CDH4: variants seen among roughly 807,000 people sequenced by gnomAD.
CDH4 encodes the protein cadherin-4.
In CDH4, 33 loss-of-function variants were observed where a neutral mutation model predicts 86.0. That is an observed-to-expected ratio of 0.38 (90% confidence interval 0.29 to 0.51). CDH4 has a LOEUF of 0.51. CDH4 is among the 20% of genes least tolerant of loss of function. The pLI is 0.86. For missense variants in CDH4, 1,114 were observed against 1,307.4 expected (o/e 0.85, Z 2.28); for synonymous variants, 555 against 549.4 (o/e 1.01, Z -0.14).
chr20:61,902,423 G>A lies in CDH4; in HGVS notation c.1188+7376G>A, dbSNP rs138896365. Among the ~76,000 whole-genome samples, 658 of 152,374 alleles carry A rather than the reference G, an allele frequency of 4.3e-3. 5 individuals are homozygous for A. Among genetic ancestry groups the A allele is most frequent in the Admixed American group, 9.7e-3 (149 of 15,310 alleles). On this transcript the variant is annotated intron_variant, in intron 8 of 15. Coordinates refer to ENST00000614565, the MANE Select transcript of CDH4 (RefSeq NM_001794.5). This position sits in a 1 kb window ranked among gnomAD's most constrained non-coding sequence, Gnocchi z 4.6. ...GTCACCACCCCGCAGAACCGCTCCC[G>A]TGCTCGTTGCAGGAGTGCAAGGGCA...
intron 2 of CDH4, among the ~76,000 whole-genome samples, chr20:61,601,051 C>T (rs2086596748): frequency 6.6e-6 from 1 of 152,158 alleles, no homozygotes; most frequent in African/African-American, 2.4e-5. Flanking sequence ...TAAAGACATA[C>T]CTGAGGCTGA....
At position 61,681,791 on chromosome 20, in the gene CDH4, C is replaced by T. The variant is rs1287160734; in HGVS notation, c.170-61772C>T. ...TTCTCAGGCCCGTGCAGCTGACATT[C>T]CTTTGGCTTCCTGGTGATGGAGGGA... On this transcript the variant is annotated intron_variant, in intron 2 of 15. Transcript: ENST00000614565. This position sits in a 1 kb window ranked among gnomAD's most constrained non-coding sequence, Gnocchi z 4.5. Among the ~76,000 whole-genome samples the T allele has an allele frequency of 1.3e-5, 2 of 152,174 alleles. No individual in the cohort carries two copies. The highest frequency in any genetic ancestry group is 2.4e-5 in the African/African-American group (1 of 41,440).
intron 2 of CDH4, among the ~76,000 whole-genome samples, chr20:61,692,001 G>C (rs942660502): frequency 1.3e-5 from 2 of 152,208 alleles, no homozygotes; most frequent in African/African-American, 4.8e-5. Context: ...TTTTTGCCAA[G>C]GACGTAAAAT....
At chr20:61,773,214 G>C (rs756889220) in intron 4 of CDH4, 32 bp downstream of exon 4, 12 of 1,497,782 alleles carry the variant, frequency 8.0e-6, no homozygotes, top group Non-Finnish European at 1.1e-5. Context: ...GGGCACGGGG[G>C]TCTCGGCGTT....
At chr20:61,310,138 C>G (rs2084437572) in intron 2 of CDH4, among the ~76,000 whole-genome samples, 1 of 152,308 alleles carries the variant, frequency 6.6e-6, no homozygotes, top group South Asian at 2.1e-4. Flanking sequence ...ATGGTGCCAC[C>G]TGGAACCAGC....
At chr20:61,551,321 T>C (rs989876390) in intron 2 of CDH4, among the ~76,000 whole-genome samples, 1 of 152,246 alleles carries the variant, frequency 6.6e-6, no homozygotes, top group Non-Finnish European at 1.5e-5. Context: ...CTTGGTCTTG[T>C]TCTTTTATCT....
chr20:61,299,154 G>A (rs1006829409), intron 2 of CDH4, among the ~76,000 whole-genome samples: 1 of 152,266 alleles, frequency 6.6e-6, no homozygotes, highest in African/African-American at 2.4e-5. Flanking sequence ...CCAAAGACCC[G>A]TGCTCTTATA....
intron 2 of CDH4, among the ~76,000 whole-genome samples, chr20:61,563,865 G>C (rs991970118): frequency 4.6e-5 from 7 of 152,194 alleles, no homozygotes; most frequent in Non-Finnish European, 7.3e-5. Context: ...GGCAGGTTCT[G>C]CACCTGTTGT....
At chr20:61,601,460 C>T (rs1038715451) in intron 2 of CDH4, among the ~76,000 whole-genome samples, 1 of 152,208 alleles carries the variant, frequency 6.6e-6, no homozygotes, top group African/African-American at 2.4e-5. Context: ...GCCCTCCCTG[C>T]AGATCTCCGG....
intron 2 of CDH4, among the ~76,000 whole-genome samples, chr20:61,565,397 G>T (rs2086288586): frequency 2.8e-5 from 2 of 70,876 alleles, no homozygotes; most frequent in Admixed American, 3.2e-4. Context: ...ATGGGGTGAT[G>T]GTGGTGGCGG....
chr20:61,330,593 G>A (rs4812307), intron 2 of CDH4, among the ~76,000 whole-genome samples: 2 of 152,054 alleles, frequency 1.3e-5, no homozygotes, highest in Admixed American at 6.5e-5. Flanking sequence ...ATGTCCTGAC[G>A]GGGAACGCCT....
At chr20:61,396,396 G>C (rs931123360) in intron 2 of CDH4, among the ~76,000 whole-genome samples, 35 of 152,168 alleles carry the variant, frequency 2.3e-4, no homozygotes, top group African/African-American at 7.7e-4. Flanking sequence ...CTCGGCAAGA[G>C]GCTCAGGAGG....
Position 61,460,671 on chromosome 20 carries a change from G to A in CDH4, c.169+205734G>A, listed in dbSNP as rs146794495. ...CCCATAGGAGGAAACATGTTGAGTG[G>A]GTGTCCTAGGAACCCTTGAGGGGCT... On this transcript the variant is annotated intron_variant, in intron 2 of 15. Transcript: ENST00000614565. Among the ~76,000 whole-genome samples, 40 of 152,256 alleles carry A rather than the reference G, an allele frequency of 2.6e-4. No individual in the cohort carries two copies. In the East Asian group the frequency reaches 7.0e-3, roughly 26 times the overall value.
intron 4 of CDH4, among the ~76,000 whole-genome samples, chr20:61,841,000 C>T (rs1234229383): frequency 1.3e-5 from 2 of 152,256 alleles, no homozygotes; most frequent in Admixed American, 1.3e-4. Context: ...GCAGTCTCCT[C>T]ATTAAATTTC....
At chr20:61,773,517 A>C (rs2088803143) in intron 4 of CDH4, among the ~76,000 whole-genome samples, 1 of 152,042 alleles carries the variant, frequency 6.6e-6, no homozygotes, top group African/African-American at 2.4e-5. Flanking sequence ...ATTTCTTTCC[A>C]TGGATGACTA....
chr20:61,528,768 G>A (rs1177653257), intron 2 of CDH4, among the ~76,000 whole-genome samples: 3 of 152,164 alleles, frequency 2.0e-5, no homozygotes, highest in Non-Finnish European at 2.9e-5. Context: ...GAAGCATGGC[G>A]GGGTTGCATC....
Position 61,754,622 on chromosome 20 carries a change from C to T in CDH4, c.396+10833C>T, listed in dbSNP as rs1224298810. ...AACACCACACACACGGTGCACGGCA[C>T]ACACACCACACACACACGCCCCACA... On this transcript the variant is annotated intron_variant, in intron 3 of 15. Coordinates refer to ENST00000614565, the MANE Select transcript of CDH4 (RefSeq NM_001794.5). This position sits in a 1 kb window ranked among gnomAD's most constrained non-coding sequence, Gnocchi z 4.7. Among the ~76,000 whole-genome samples the T allele has an allele frequency of 7.0e-6, 1 of 142,662 alleles. No homozygotes were observed. The highest frequency in any genetic ancestry group is 3.1e-5 in the African/African-American group (1 of 32,476). 93.6% of individuals were successfully genotyped at this position (142,662 alleles called of 152,430 possible). A position where few individuals can be genotyped will look rare whatever the true frequency, so the allele number is the denominator to read the frequency against.
chr20:61,929,647 G>C lies in CDH4; in HGVS notation c.2044G>C (p.Glu682Gln). 1 of 1,614,098 alleles carries C rather than the reference G, an allele frequency of 6.2e-7. No homozygotes were observed. The highest frequency in any genetic ancestry group is 8.5e-7 in the Non-Finnish European group (1 of 1,180,024). The part of the protein sequence containing the change: ...AQLSLRILYL[E>Q]AGMYDVPIIV... Reference sequence around the variant, plus strand: ...ACTCAGCTTGCGCATCCTGTACCTGGAGGCCGGGATGTATGACGTCCCCAT... The same window carrying C: ...ACTCAGCTTGCGCATCCTGTACCTGCAGGCCGGGATGTATGACGTCCCCAT... The change falls in exon 13 of 16, where the codon GAG becomes CAG. Residue 682 changes from glutamate to glutamine, a missense_variant. Glu to Gln is a conservative substitution (Grantham distance 29). Around this residue, in one of 3 missense-constraint regions of CDH4, gnomAD observed 705 missense variants for 914.1 expected, o/e 0.77. Coordinates refer to ENST00000614565, the MANE Select transcript of CDH4 (RefSeq NM_001794.5).
Position 61,498,414 on chromosome 20 carries a change from A to G in CDH4, c.169+243477A>G, listed in dbSNP as rs879410783. ...TATTGATAGTGTAATCGATAATGCT[A>G]TACACACTCAGATCAGAGACAAACA... On this transcript the variant is annotated intron_variant, in intron 2 of 15. Coordinates refer to ENST00000614565, the MANE Select transcript of CDH4 (RefSeq NM_001794.5). 5.9e-5 allele frequency among the ~76,000 whole-genome samples: 9 copies of G among 152,236 alleles called. No homozygotes were observed. In the South Asian group the frequency reaches 8.3e-4, roughly 14 times the overall value.
Sources: allele counts gnomAD v4.1 joint callset (sites outside exome capture counted in the v4.1 genomes callset), GRCh38; gene constraint gnomAD v4.1.1; regional missense constraint gnomAD v4.1.1; non-coding constraint Gnocchi (gnomAD v3.1); transcripts MANE v1.5; gene names NCBI Gene and HGNC (gene_info 2026-07-23, HGNC 2026-07-21).